Variants in TSPAN13 observed in about 807,000 individuals in gnomAD.
TSPAN13 encodes the protein tetraspanin 13.
Under a neutral mutation model 26.9 loss-of-function variants are expected in TSPAN13, and 18 were observed. The ratio of observed to expected loss-of-function variants is 0.67; its 90% confidence interval spans 0.46 to 0.99. The LOEUF (loss-of-function observed/expected upper bound fraction) is 0.99. Ranked by LOEUF, TSPAN13 falls within the 50% of genes least tolerant of loss-of-function variation. TSPAN13 has a pLI of 0.00. For synonymous variants in TSPAN13, 116 were observed against 98.4 expected, an observed-to-expected ratio of 1.18 and a Z score of -1.06; for missense variants, 201 against 249.6, an observed-to-expected ratio of 0.81 and a Z score of 1.31.
rs762326502 is a variant in TSPAN13 at position 16,753,948 on chromosome 7, C to G, written c.-20C>G. On this transcript the variant is annotated 5_prime_UTR_variant, in exon 1 of 6. Transcript: ENST00000262067. ...CGGAGTCGAATTTACGTGCAGCTGC[C>G]GGCAACCACAGGTTCCAAGATGGTT... 5.6e-6 allele frequency: 9 copies of G among 1,610,350 alleles called. No homozygotes were observed. The South Asian group carries it at 8.9e-5, about 16-fold the overall frequency.
chr7:16,780,023 G>A (rs1002769045), intron 5 of TSPAN13, among the ~76,000 whole-genome samples: 16 of 151,604 alleles, frequency 1.1e-4, no homozygotes, highest in African/African-American at 2.7e-4. Context: ...TGCCCACCTC[G>A]GCCTCCCAAA....
At chr7:16,778,051 C>T (rs1784773203) in intron 4 of TSPAN13, 140 bp downstream of exon 4, 1 of 644,510 alleles carries the variant, frequency 1.6e-6, no homozygotes, top group Admixed American at 3.3e-5. Context: ...TTTCCATGTC[C>T]TCTGTTATAT....
chr7:16,774,020 G>A (rs1784712141), intron 1 of TSPAN13, among the ~76,000 whole-genome samples: 1 of 152,222 alleles, frequency 6.6e-6, no homozygotes, highest in South Asian at 2.1e-4. Context: ...ATTTGTAGAT[G>A]TGACTAACAT....
chr7:16,759,762 CT>C lies in TSPAN13; in HGVS notation c.63+5733del, dbSNP rs1310883336. Among the ~76,000 whole-genome samples, 5 of 149,822 alleles carry C rather than the reference CT, an allele frequency of 3.3e-5. No homozygotes were observed. In the East Asian group the frequency reaches 9.9e-4, roughly 30 times the overall value. On this transcript the variant is annotated intron_variant, in intron 1 of 5. Coordinates refer to ENST00000262067, the MANE Select transcript of TSPAN13 (RefSeq NM_014399.4). Reference sequence around the variant, plus strand: ...CACGCAGTGGCGTGATCTCAGCTCACTGCCAGAGAGCTGTCTCCTGGGCTCA... The same window carrying C: ...CACGCAGTGGCGTGATCTCAGCTCACGCCAGAGAGCTGTCTCCTGGGCTCA...
At chr7:16,768,204 G>A (rs912969550) in intron 1 of TSPAN13, among the ~76,000 whole-genome samples, 12 of 152,198 alleles carry the variant, frequency 7.9e-5, no homozygotes, top group South Asian at 2.1e-4. Context: ...GTGAGCCACC[G>A]CACCTGGCCT....
At position 16,753,939 on chromosome 7, in the gene TSPAN13, T is replaced by G. The variant is rs1784451428; in HGVS notation, c.-29T>G. The G allele has an allele frequency of 6.2e-7, 1 of 1,608,098 alleles. No individual in the cohort carries two copies. On this transcript the variant is annotated 5_prime_UTR_variant, in exon 1 of 6. Coordinates refer to ENST00000262067, the MANE Select transcript of TSPAN13 (RefSeq NM_014399.4). ...AACCTCCGCCGGAGTCGAATTTACGTGCAGCTGCCGGCAACCACAGGTTCC... is the reference window on the plus strand; with the variant it reads ...AACCTCCGCCGGAGTCGAATTTACGGGCAGCTGCCGGCAACCACAGGTTCC...
At chr7:16,770,103 CTT>C (rs1310572410) in intron 1 of TSPAN13, among the ~76,000 whole-genome samples, 2 of 151,482 alleles carry the variant, frequency 1.3e-5, no homozygotes, top group Non-Finnish European at 2.9e-5. Context: ...TTATGTGACT[CTT>C]TTTTAAGTTT....
chr7:16,767,193 G>A (rs1037385100), intron 1 of TSPAN13, among the ~76,000 whole-genome samples: 1 of 152,122 alleles, frequency 6.6e-6, no homozygotes, highest in Non-Finnish European at 1.5e-5. Flanking sequence ...CCTCTCAAAG[G>A]TAGTCACTGT....
intron 1 of TSPAN13, among the ~76,000 whole-genome samples, chr7:16,772,274 A>G (rs1322324813): frequency 2.0e-5 from 3 of 152,170 alleles, no homozygotes; most frequent in Non-Finnish European, 4.4e-5. Context: ...AGGTTCTATA[A>G]CAGTGAGAGG....
At position 16,760,926 on chromosome 7, in the gene TSPAN13, G is replaced by A. The variant is rs1465587675; in HGVS notation, c.63+6896G>A. On this transcript the variant is annotated intron_variant, in intron 1 of 5. Transcript: ENST00000262067. The stretch of plus-strand genomic sequence containing the variant: ...GTCATTCTGGCTTTCCTGTGTGCCC[G>A]GCACAGCCCTGGCATGTGGTTGGCA... 2.0e-5 allele frequency among the ~76,000 whole-genome samples: 3 copies of A among 152,146 alleles called. No individual in the cohort carries two copies. The South Asian group carries it at 6.2e-4, about 32-fold the overall frequency.
rs1240973973 is a variant in TSPAN13 at position 16,759,543 on chromosome 7, A to G, written c.63+5513A>G. ...CTCCAACATTGGGGATTACATTTCA[A>G]CATGAGATTTGGAGGAGGCAAATAT... On this transcript the variant is annotated intron_variant, in intron 1 of 5. Transcript: ENST00000262067. 2.6e-5 allele frequency among the ~76,000 whole-genome samples: 4 copies of G among 152,190 alleles called. No homozygotes were observed. In the East Asian group the frequency reaches 7.7e-4, roughly 29 times the overall value.
chr7:16,754,093 G>C (rs370432828), intron 1 of TSPAN13, 63 bp downstream of exon 1: 1 of 1,540,730 alleles, frequency 6.5e-7, no homozygotes, highest in African/African-American at 1.4e-5. Context: ...GAGCTCTTTG[G>C]CTTCCCTGCC....
At chr7:16,765,017 C>A (rs1053254971) in intron 1 of TSPAN13, among the ~76,000 whole-genome samples, 4 of 152,056 alleles carry the variant, frequency 2.6e-5, no homozygotes, top group African/African-American at 7.2e-5. Context: ...CCTCGGCCTC[C>A]CAAAGTGCTA....
intron 1 of TSPAN13, among the ~76,000 whole-genome samples, chr7:16,764,161 G>A (rs1313242101): frequency 1.3e-5 from 2 of 151,366 alleles, no homozygotes; most frequent in African/African-American, 4.9e-5. Context: ...GGGATTACAG[G>A]CACATGCCAC....
At chr7:16,782,607 C>A (rs1440238362) in intron 5 of TSPAN13, among the ~76,000 whole-genome samples, 1 of 152,024 alleles carries the variant, frequency 6.6e-6, no homozygotes, top group African/African-American at 2.4e-5. Flanking sequence ...GAACTTGGTG[C>A]GGGAAATGGC....
At chr7:16,763,420 T>C (rs1441805429) in intron 1 of TSPAN13, among the ~76,000 whole-genome samples, 2 of 152,190 alleles carry the variant, frequency 1.3e-5, no homozygotes, top group Non-Finnish European at 2.9e-5. Context: ...TGTTGGCTCA[T>C]ATAAGTGGGA....
chr7:16,767,984 C>T (rs1313111015), intron 1 of TSPAN13, among the ~76,000 whole-genome samples: 1 of 152,182 alleles, frequency 6.6e-6, no homozygotes, highest in Non-Finnish European at 1.5e-5. Flanking sequence ...ACCATCTCGG[C>T]CCACTGCAAC....
intron 1 of TSPAN13, among the ~76,000 whole-genome samples, chr7:16,761,187 A>G (rs1149517): frequency 0.015 from 2,233 of 152,328 alleles, 62 homozygotes; most frequent in African/African-American, 0.051. Flanking sequence ...GTAAGTATAA[A>G]AGCAGTGGCA....
intron 4 of TSPAN13, 99 bp downstream of exon 4, chr7:16,778,010 A>C: frequency 1.2e-6 from 1 of 853,864 alleles, no homozygotes; most frequent in Admixed American, 2.7e-5. Context: ...TTGTATTTTC[A>C]GGATTATTTT....
Sources: gnomAD v4.1 joint callset for allele counts (sites outside exome capture counted in the v4.1 genomes callset) on GRCh38, gnomAD v4.1.1 for gene constraint, MANE v1.5 for transcripts, NCBI Gene and HGNC (gene_info 2026-07-23, HGNC 2026-07-21) for gene names.